The following COMMD1 variants were observed in gnomAD, a reference collection of about 807,000 sequenced individuals.
COMMD1 encodes copper metabolism domain containing 1.
COMMD1 carries 10 observed loss-of-function variants against 17.2 expected under a neutral mutation model. The ratio of observed to expected loss-of-function variants is 0.58; its 90% CI spans 0.36 to 0.99. The LOEUF is 0.99. COMMD1 is among the 50% of genes least tolerant of loss of function. The pLI is 0.01. For missense variants in COMMD1, 270 were observed against 231.8 expected (o/e 1.17, Z -1.07); for synonymous variants, 97 against 91.6 (o/e 1.06, Z -0.34).
intron 2 of COMMD1, among the ~76,000 whole-genome samples, chr2:62,075,668 A>C (rs971436663): frequency 6.6e-6 from 1 of 152,244 alleles, no homozygotes; most frequent in Non-Finnish European, 1.5e-5. Context: ...AATCCCATTC[A>C]TAGTTCCGCT....
At chr2:61,928,423 A>G (rs1467423888) in intron 1 of COMMD1, among the ~76,000 whole-genome samples, 1 of 152,114 alleles carries the variant, frequency 6.6e-6, no homozygotes, top group Non-Finnish European at 1.5e-5. Context: ...AGCCTCCTAA[A>G]GTGCTGGGAT....
chr2:62,062,058 T>G (rs1468255419), intron 2 of COMMD1, among the ~76,000 whole-genome samples: 1 of 151,494 alleles, frequency 6.6e-6, no homozygotes, highest in Non-Finnish European at 1.5e-5. Flanking sequence ...GAGCAAGGAC[T>G]GTGGAGTCAA....
intron 1 of COMMD1, among the ~76,000 whole-genome samples, chr2:61,891,926 G>A (rs1439837328): frequency 2.0e-5 from 3 of 151,508 alleles, no homozygotes; most frequent in Non-Finnish European, 2.9e-5. Context: ...CCGCCTCCCG[G>A]GTTCACGCCA....
chr2:61,919,255 G>C (rs1670123495), intron 1 of COMMD1, among the ~76,000 whole-genome samples: 1 of 152,078 alleles, frequency 6.6e-6, no homozygotes, highest in Non-Finnish European at 1.5e-5. Flanking sequence ...CAGGTGATGT[G>C]CCCGCCTCGG....
intron 2 of COMMD1, among the ~76,000 whole-genome samples, chr2:62,023,853 G>A (rs1348745477): frequency 6.6e-6 from 1 of 152,094 alleles, no homozygotes; most frequent in Non-Finnish European, 1.5e-5. Flanking sequence ...TGAATGGGAG[G>A]AAAGGGAAGA....
At chr2:62,064,062 A>G (rs1670958061) in intron 2 of COMMD1, among the ~76,000 whole-genome samples, 1 of 151,324 alleles carries the variant, frequency 6.6e-6, no homozygotes, top group Non-Finnish European at 1.5e-5. Context: ...ATAGAACAAA[A>G]TAATTTTTAT....
chr2:61,902,145 T>C (rs1359568767), upstream of COMMD1, among the ~76,000 whole-genome samples: 1 of 150,990 alleles, frequency 6.6e-6, no homozygotes, highest in Non-Finnish European at 1.5e-5. Flanking sequence ...TTTGACTATA[T>C]AAACATGGAG....
intron 2 of COMMD1, among the ~76,000 whole-genome samples, chr2:62,109,919 C>CTTTTTTTTTTTTTTTTTTTTTTTTTTTTT: frequency 2.7e-5 from 2 of 73,854 alleles, no homozygotes; most frequent in Non-Finnish European, 2.4e-5. Context: ...TTATCTTGAT[C>CTTTTTTTTTTTTTTTTTTTTTTTTTTTTT]TTTTTTTTTT....
At chr2:61,955,377 A>G (rs115418554) in intron 1 of COMMD1, among the ~76,000 whole-genome samples, 267 of 151,366 alleles carry the variant, frequency 1.8e-3, no homozygotes, top group African/African-American at 5.7e-3. Flanking sequence ...CCTCCCTGGT[A>G]CCTAGTAGCT....
At chr2:62,120,685 T>A (rs1558607712) in intron 2 of COMMD1, among the ~76,000 whole-genome samples, 1 of 152,164 alleles carries the variant, frequency 6.6e-6, no homozygotes, top group Non-Finnish European at 1.5e-5. Flanking sequence ...CCAAATTTCT[T>A]TCAGTCAAAG....
chr2:61,918,183 G>T (rs751678879), intron 1 of COMMD1, among the ~76,000 whole-genome samples: 5 of 152,126 alleles, frequency 3.3e-5, no homozygotes, highest in African/African-American at 1.2e-4. Flanking sequence ...TATCCAAAAA[G>T]ATGTCTAAAT....
At chr2:61,915,667 T>C in intron 1 of COMMD1, 1 of 453,260 alleles carries the variant, frequency 2.2e-6, no homozygotes, top group South Asian at 1.6e-5. Flanking sequence ...TTTTTTTATT[T>C]TTATCTTTTT....
At chr2:62,041,381 A>G (rs1297972820) in intron 2 of COMMD1, among the ~76,000 whole-genome samples, 1 of 152,048 alleles carries the variant, frequency 6.6e-6, no homozygotes, top group East Asian at 1.9e-4. Flanking sequence ...TTATTAATAG[A>G]AAAGTAATCA....
At chr2:61,932,510 A>G (rs1670495508) in intron 1 of COMMD1, among the ~76,000 whole-genome samples, 1 of 152,138 alleles carries the variant, frequency 6.6e-6, no homozygotes, top group African/African-American at 2.4e-5. Flanking sequence ...CACTATGTCT[A>G]AGGAGTGAAG....
chr2:61,932,608 T>A (rs1387029972), intron 1 of COMMD1, among the ~76,000 whole-genome samples: 2 of 152,068 alleles, frequency 1.3e-5, no homozygotes, highest in African/African-American at 4.8e-5. Context: ...ATGTGTTGAT[T>A]GGTGGTGGGG....
At chr2:62,121,738 CAAA>C (rs549415329) in intron 2 of COMMD1, among the ~76,000 whole-genome samples, 6 of 80,052 alleles carry the variant, frequency 7.5e-5, no homozygotes, top group Non-Finnish European at 5.9e-5. Flanking sequence ...GACTCCGTCT[CAAA>C]AAAAAAAAAA....
chr2:62,073,518 C>A (rs949511542), intron 2 of COMMD1, among the ~76,000 whole-genome samples: 1 of 152,184 alleles, frequency 6.6e-6, no homozygotes, highest in African/African-American at 2.4e-5. Context: ...GACTTGTAAG[C>A]CCTTACTTCA....
At chr2:62,085,982 C>G (rs1216996924) in intron 2 of COMMD1, among the ~76,000 whole-genome samples, 1 of 149,294 alleles carries the variant, frequency 6.7e-6, no homozygotes, top group Admixed American at 6.6e-5. Context: ...TGTCTCAAAA[C>G]AAAACAAAAC....
chr2:61,962,950 C>G (rs988714614), intron 1 of COMMD1, among the ~76,000 whole-genome samples: 2 of 152,006 alleles, frequency 1.3e-5, no homozygotes, highest in Non-Finnish European at 2.9e-5. Context: ...TACTTGAGGT[C>G]AGGAATTTAA....
Sources: allele counts gnomAD v4.1 joint callset (sites outside exome capture counted in the v4.1 genomes callset), GRCh38; gene constraint gnomAD v4.1.1; transcripts MANE v1.5; gene names NCBI Gene and HGNC (gene_info 2026-07-23, HGNC 2026-07-21).